The following PDZRN4 variants were observed in gnomAD, a reference collection of about 807,000 sequenced individuals.
PDZRN4 encodes the protein PDZ domain containing ring finger 4, also known as PDZ domain-containing RING finger protein 4.
PDZRN4 carries 70 observed loss-of-function variants against 99.0 expected under a neutral mutation model. That is an observed-to-expected ratio of 0.71 (90% CI 0.58 to 0.86). PDZRN4 has a LOEUF of 0.86. Ranked by LOEUF, PDZRN4 falls within the 40% of genes least tolerant of loss-of-function variation. PDZRN4 has a pLI of 0.00. For synonymous variants in PDZRN4, 551 were observed against 501.6 expected, an observed-to-expected ratio of 1.10 and a Z score of -1.32; for missense variants, 1,474 against 1,331.2, an observed-to-expected ratio of 1.11 and a Z score of -1.67.
At chr12:41,540,732 C>T (rs1291255016) in intron 5 of PDZRN4, among the ~76,000 whole-genome samples, 1 of 152,220 alleles carries the variant, frequency 6.6e-6, no homozygotes, top group Non-Finnish European at 1.5e-5. Flanking sequence ...CTCAATTTTA[C>T]AGTAAATATA....
rs113272208 is a variant in PDZRN4 at position 41,416,321 on chromosome 12, G to A, written c.844-90135G>A. 5.7e-3 allele frequency among the ~76,000 whole-genome samples: 860 copies of A among 152,198 alleles called. 10 individuals carry two copies. Among genetic ancestry groups the A allele is most frequent in the African/African-American group, 0.018 (766 of 41,540 alleles). ...TCCTCTTTCTGAAAACAAAAAAATG[G>A]CGAAAGAAGGACTTTCTTTCTGATT... On this transcript the variant is annotated intron_variant, in intron 3 of 9. Transcript: ENST00000402685.
At position 41,188,400 on chromosome 12, in the gene PDZRN4, G is replaced by C; in HGVS notation, c.-56G>C. ...CCGGGGGTGGCCCGGGGAAGGCAGG[G>C]GGGCTCGGAGAAGACGGACTCTGCT... On this transcript the variant is annotated 5_prime_UTR_variant, in exon 1 of 10. Transcript: ENST00000402685. 6.9e-7 allele frequency: 1 copy of C among 1,443,382 alleles called. No individual in the cohort carries two copies. The highest frequency in any genetic ancestry group is 9.1e-7 in the Non-Finnish European group (1 of 1,095,714). The allele number at this position is 1,443,382 out of a possible 1,614,324, so 89.4% of individuals were successfully genotyped here.
intron 3 of PDZRN4, among the ~76,000 whole-genome samples, chr12:41,245,443 A>G (rs1951127786): frequency 6.6e-6 from 1 of 152,218 alleles, no homozygotes; most frequent in Non-Finnish European, 1.5e-5. Context: ...GACATGTACA[A>G]AATTAATTAG....
At chr12:41,446,221 T>C (rs1162461595) in intron 3 of PDZRN4, among the ~76,000 whole-genome samples, 6 of 145,002 alleles carry the variant, frequency 4.1e-5, no homozygotes, top group African/African-American at 1.3e-4. Flanking sequence ...CTGTTTTATG[T>C]AGCTTTATAG....
At chr12:41,341,066 T>C (rs1342019979) in intron 3 of PDZRN4, among the ~76,000 whole-genome samples, 2 of 151,516 alleles carry the variant, frequency 1.3e-5, no homozygotes, top group Non-Finnish European at 2.9e-5. Context: ...CATGTAGAAA[T>C]CAATAAATGC....
intron 7 of PDZRN4, among the ~76,000 whole-genome samples, chr12:41,561,749 G>A (rs370234787): frequency 6.6e-6 from 1 of 151,840 alleles, no homozygotes; most frequent in East Asian, 1.9e-4. Context: ...GCCTGTAGTG[G>A]AGAGGAGATG....
At chr12:41,325,926 C>T (rs1403793891) in intron 3 of PDZRN4, among the ~76,000 whole-genome samples, 2 of 152,078 alleles carry the variant, frequency 1.3e-5, no homozygotes, top group Non-Finnish European at 2.9e-5. Flanking sequence ...ATGTTTTCGA[C>T]TCTTTAGTTT....
At chr12:41,254,138 A>C (rs1008890841) in intron 3 of PDZRN4, among the ~76,000 whole-genome samples, 1 of 152,116 alleles carries the variant, frequency 6.6e-6, no homozygotes, top group Admixed American at 6.6e-5. Flanking sequence ...ATTTTACCTC[A>C]GTAAATATAT....
At chr12:41,501,833 C>T (rs916712069) in intron 3 of PDZRN4, among the ~76,000 whole-genome samples, 10 of 152,026 alleles carry the variant, frequency 6.6e-5, no homozygotes, top group Non-Finnish European at 1.3e-4. Context: ...AGGGATGAGG[C>T]GAAGACCTTC....
At chr12:41,379,609 TCTCTTG>T (rs1246947204) in intron 3 of PDZRN4, among the ~76,000 whole-genome samples, 2 of 151,886 alleles carry the variant, frequency 1.3e-5, no homozygotes, top group Non-Finnish European at 2.9e-5. Context: ...TATTTAAATA[TCTCTTG>T]TTTAGGAGTG....
chr12:41,574,122 A>T lies in PDZRN4; in HGVS notation c.*232A>T. ...TGTGATATATTCATATTACTCGTTTATAAAAAATCAAAAACAAAAGGAAAG... is the reference window on the plus strand; with the variant it reads ...TGTGATATATTCATATTACTCGTTTTTAAAAAATCAAAAACAAAAGGAAAG... On this transcript the variant is annotated 3_prime_UTR_variant, in exon 10 of 10. Coordinates refer to ENST00000402685, the MANE Select transcript of PDZRN4 (RefSeq NM_001164595.2). 6.1e-6 allele frequency: 2 copies of T among 328,392 alleles called. No homozygotes were observed. The allele number at this position is 328,392 out of a possible 1,614,324, so 20.3% of individuals were successfully genotyped here. A position where few individuals can be genotyped will look rare whatever the true frequency, so the allele number is the denominator to read the frequency against.
chr12:41,449,883 T>C (rs1442700454), intron 3 of PDZRN4, among the ~76,000 whole-genome samples: 5 of 152,018 alleles, frequency 3.3e-5, no homozygotes, highest in African/African-American at 1.2e-4. Context: ...ATTGAAATAG[T>C]CAAGTATAGC....
intron 3 of PDZRN4, chr12:41,473,225 A>G (rs1358328264): frequency 6.6e-6 from 1 of 152,192 alleles, no homozygotes; most frequent in African/African-American, 2.4e-5. Context: ...CCTGTTACCA[A>G]CATAATACCA....
chr12:41,421,594 GA>G (rs1952491320), intron 3 of PDZRN4, among the ~76,000 whole-genome samples: 1 of 152,128 alleles, frequency 6.6e-6, no homozygotes, highest in African/African-American at 2.4e-5. Context: ...ACTGCAGAAA[GA>G]ACAAATACAG....
At position 41,342,174 on chromosome 12, in the gene PDZRN4, G is replaced by A. The variant is rs191404771; in HGVS notation, c.843+147986G>A. Among the ~76,000 whole-genome samples, 20 of 151,800 alleles carry A rather than the reference G, an allele frequency of 1.3e-4. No homozygotes were observed. In the East Asian group the frequency reaches 3.3e-3, roughly 25 times the overall value. On this transcript the variant is annotated intron_variant, in intron 3 of 9. Transcript: ENST00000402685. The stretch of plus-strand genomic sequence containing the variant: ...CAGAAGAATGATACTCAGCCCCTAC[G>A]TCTCACCATATACAAAAATCAACTC...
At chr12:41,402,142 C>CACACACTGAGTATATATATATATAT (rs1952295609) in intron 3 of PDZRN4, among the ~76,000 whole-genome samples, 10 of 5,248 alleles carry the variant, frequency 1.9e-3, no homozygotes, top group Non-Finnish European at 3.3e-3. Flanking sequence ...TATATATATA[C>CACACACTGAGTATATATATATATAT]ACACACTGAG....
intron 3 of PDZRN4, among the ~76,000 whole-genome samples, chr12:41,264,893 A>G (rs996672523): frequency 6.6e-6 from 1 of 152,158 alleles, no homozygotes; most frequent in African/African-American, 2.4e-5. Context: ...ACAAGTGGGT[A>G]CTCATGAACA....
intron 3 of PDZRN4, among the ~76,000 whole-genome samples, chr12:41,343,897 A>G (rs941679910): frequency 6.6e-6 from 1 of 152,090 alleles, no homozygotes; most frequent in African/African-American, 2.4e-5. Context: ...AAGTTAAAAA[A>G]AGCATTTCAA....
chr12:41,361,357 T>C (rs571289369), intron 3 of PDZRN4, among the ~76,000 whole-genome samples: 1 of 152,152 alleles, frequency 6.6e-6, no homozygotes, highest in African/African-American at 2.4e-5. Context: ...AGAACATGAT[T>C]CCTGCCTAAA....
Sources: gnomAD v4.1 joint callset for allele counts (sites outside exome capture counted in the v4.1 genomes callset) on GRCh38, gnomAD v4.1.1 for gene constraint, MANE v1.5 for transcripts, NCBI Gene and HGNC (gene_info 2026-07-23, HGNC 2026-07-21) for gene names.